The following B4GALNT1 variants were observed in gnomAD, a reference collection of about 807,000 sequenced individuals.
The protein encoded by B4GALNT1 is beta-1,4-N-acetyl-galactosaminyltransferase 1.
Under a neutral mutation model 55.2 loss-of-function variants are expected in B4GALNT1, and 43 were observed. The ratio of observed to expected loss-of-function variants is 0.78; its 90% CI spans 0.61 to 1.00. The LOEUF is 1.00. Ranked by LOEUF, B4GALNT1 falls within the 50% of genes least tolerant of loss-of-function variation. The pLI is 0.00. For missense variants in B4GALNT1, 664 were observed against 729.7 expected (o/e 0.91, Z 1.04); for synonymous variants, 305 against 311.6 (o/e 0.98, Z 0.22).
chr12:57,629,495 C>G (rs1885060409), intron 6 of B4GALNT1: 1 of 319,054 alleles, frequency 3.1e-6, no homozygotes, highest in Non-Finnish European at 5.7e-6. Context: ...CACATTTACA[C>G]AACTATTAAG....
Position 57,631,899 on chromosome 12 carries a change from C to A in B4GALNT1, c.218+16G>T. The A allele has an allele frequency of 7.3e-7, 1 of 1,378,138 alleles. No homozygotes were observed. 85.4% of individuals were successfully genotyped at this position (1,378,138 alleles called of 1,614,324 possible). ...CCCAGCGAGCGCTGCGCTGCGCCGCCGCGGTCGGCACTCACCCCACTACTT... is the reference window on the plus strand; with the variant it reads ...CCCAGCGAGCGCTGCGCTGCGCCGCAGCGGTCGGCACTCACCCCACTACTT... On this transcript the variant is annotated intron_variant, in intron 2 of 10. Transcript: ENST00000341156.
intron 5 of B4GALNT1, 65 bp from the exon 6 acceptor site, chr12:57,630,397 C>T (rs941940118): frequency 1.3e-6 from 2 of 1,597,680 alleles, no homozygotes; most frequent in African/African-American, 1.3e-5. Flanking sequence ...CTGATTCGCC[C>T]ATCCTTCCCT....
At chr12:57,632,318 G>A (rs1565744554) in intron 1 of B4GALNT1, 185 bp from the exon 2 acceptor site, 2 of 709,218 alleles carry the variant, frequency 2.8e-6, no homozygotes, top group Non-Finnish European at 5.1e-6. Flanking sequence ...TCACTTCCCA[G>A]GCCCCAGGGT....
intron 2 of B4GALNT1, 21 bp downstream of exon 2, chr12:57,631,894 G>A (rs1464760984): frequency 1.5e-6 from 2 of 1,372,654 alleles, no homozygotes; most frequent in East Asian, 5.7e-5. Context: ...GCTGCGCTGC[G>A]CCGCCGCGGT....
Position 57,626,584 on chromosome 12 carries a change from C to A in B4GALNT1, c.*160G>T. 1.2e-6 allele frequency: 1 copy of A among 822,258 alleles called. No individual in the cohort carries two copies. The highest frequency in any genetic ancestry group is 2.5e-5 in the East Asian group (1 of 39,258). 50.9% of individuals were successfully genotyped at this position (822,258 alleles called of 1,614,324 possible). Reference sequence around the variant, plus strand: ...GGAAAAAGGAGGGGTGTCACCAGGACAACCCCTACTGGGCATCAGGTTCTG... The same window carrying A: ...GGAAAAAGGAGGGGTGTCACCAGGAAAACCCCTACTGGGCATCAGGTTCTG... On this transcript the variant is annotated 3_prime_UTR_variant, in exon 11 of 11. Transcript: ENST00000341156.
chr12:57,629,977 A>C (rs1885090475), intron 6 of B4GALNT1, 175 bp downstream of exon 6: 1 of 1,538,664 alleles, frequency 6.5e-7, no homozygotes, highest in Non-Finnish European at 8.7e-7. Flanking sequence ...CAGATGAACA[A>C]AGGCCCCCTT....
rs755171392 is a variant in B4GALNT1 at position 57,626,791 on chromosome 12, G to A, written c.1555C>T (p.Arg519Trp). 3.1e-6 allele frequency: 5 copies of A among 1,614,098 alleles called. No homozygotes were observed. The highest frequency in any genetic ancestry group is 1.7e-5 in the Admixed American group (1 of 60,006). The change falls in exon 11 of 11, where the codon CGG becomes TGG. Residue 519 changes from arginine to tryptophan, a missense_variant. Physicochemically the swap from Arg to Trp is moderately radical, Grantham distance 101. Transcript: ENST00000341156. ...AGCCGGTGTTTGAAGAAGAGCAGCCGGTGTTTGGCCATCTGGCTCTCGTCC... is the reference window on the plus strand; with the variant it reads ...AGCCGGTGTTTGAAGAAGAGCAGCCAGTGTTTGGCCATCTGGCTCTCGTCC... The part of the protein sequence containing the change: ...SLDESQMAKH[R>W]LLFFKHRLQC...
At chr12:57,627,039 T>C (rs1728971338) in intron 10 of B4GALNT1, 78 bp from the exon 11 acceptor site, 1 of 1,290,844 alleles carries the variant, frequency 7.7e-7, no homozygotes. Flanking sequence ...CTCTCAAATT[T>C]AGGGTGTGGA....
chr12:57,624,033 A>G lies in B4GALNT1; in HGVS notation c.*2711T>C. The G allele has an allele frequency of 6.2e-7, 1 of 1,612,404 alleles. No individual in the cohort carries two copies. The highest frequency in any genetic ancestry group is 1.3e-5 in the African/African-American group (1 of 74,978). On this transcript the variant is annotated 3_prime_UTR_variant, in exon 11 of 11. Transcript: ENST00000341156. The stretch of plus-strand genomic sequence containing the variant: ...CCTGGCTTGCATCAACATCTCCAGC[A>G]TGCGCCAGGTGTTCTGCCAGATGCA...
At chr12:57,629,231 G>A in intron 6 of B4GALNT1, 85 bp from the exon 7 acceptor site, 1 of 690,098 alleles carries the variant, frequency 1.4e-6, no homozygotes, top group Non-Finnish European at 2.0e-6. Context: ...TGCCTACTCT[G>A]TGTCCCACCT....
intron 8 of B4GALNT1, 156 bp from the exon 9 acceptor site, chr12:57,628,418 TC>T: frequency 8.7e-7 from 1 of 1,143,322 alleles, no homozygotes; most frequent in Non-Finnish European, 1.2e-6. Flanking sequence ...GAAATGCAGA[TC>T]CCCACAGAGG....
At position 57,632,128 on chromosome 12, in the gene B4GALNT1, C is replaced by A. The variant is rs371840992; in HGVS notation, c.5G>T (p.Trp2Leu). 32 of 1,521,652 alleles carry A rather than the reference C, an allele frequency of 2.1e-5. No individual in the cohort carries two copies. The African/African-American group carries it at 3.8e-4, about 18-fold the overall frequency. The allele number at this position is 1,521,652 out of a possible 1,614,324, so 94.3% of individuals were successfully genotyped here. Residue 2 changes from tryptophan to leucine, a missense_variant, in exon 2 of 11, where the codon TGG (tryptophan) becomes TTG (leucine). Trp to Leu is a moderately conservative substitution (Grantham distance 61, BLOSUM62 -2). Transcript: ENST00000341156. Reference protein sequence around the residue: MWLGRRALCALV... With the variant: MLLGRRALCALV... ...AGCGCACAGGGCCCGGCGGCCCAGC[C>A]ACATCCTAGGTGGGGGTAGGGTGGG...
chr12:57,625,031 G>A lies in B4GALNT1; in HGVS notation c.*1713C>T, dbSNP rs762803022. 2.5e-6 allele frequency: 4 copies of A among 1,612,834 alleles called. No individual in the cohort carries two copies. The highest frequency in any genetic ancestry group is 3.4e-6 in the Non-Finnish European group (4 of 1,178,922). ...GATGTGGATCCTCAGGGAGTGGGAG[G>A]CAGGTGGGTGTTCTGAGGGGGATCC... On this transcript the variant is annotated 3_prime_UTR_variant, in exon 11 of 11. Coordinates refer to ENST00000341156, the MANE Select transcript of B4GALNT1 (RefSeq NM_001478.5).
At chr12:57,628,938 G>A (rs1413106641) in intron 7 of B4GALNT1, 35 bp from the exon 8 acceptor site, 6 of 1,612,720 alleles carry the variant, frequency 3.7e-6, no homozygotes, top group Non-Finnish European at 5.1e-6. Flanking sequence ...GTGCAGACAA[G>A]GAGGGTTGGG....
intron 10 of B4GALNT1, 80 bp downstream of exon 10, chr12:57,627,538 C>T (rs1420890292): frequency 1.3e-6 from 2 of 1,499,542 alleles, no homozygotes; most frequent in East Asian, 4.7e-5. Context: ...CGGGTGCAGC[C>T]TAGGAGGAGA....
chr12:57,627,557 ACCGTGCGC>A, intron 10 of B4GALNT1, 53 bp downstream of exon 10: 2 of 1,522,522 alleles, frequency 1.3e-6, no homozygotes, highest in Non-Finnish European at 1.8e-6. Context: ...GAGGCGCGTG[ACCGTGCGC>A]CAGCTCCCCG....
rs1885014472 is a variant in B4GALNT1, at chr12:57,628,817, GGATACTGGTGATGAGAGCCCGTAGCC to G, written c.872_897del (p.Arg291ProfsTer13). 1 of 1,614,120 alleles carries G rather than the reference GGATACTGGTGATGAGAGCCCGTAGCC, an allele frequency of 6.2e-7. No individual in the cohort carries two copies. The highest frequency in any genetic ancestry group is 8.5e-7 in the Non-Finnish European group (1 of 1,180,056). ...ACGGTAACCGTTGGGTAGAAGCGGC[GGATACTGGTGATGAGAGCCCGTAGCC>G]GATCATAACGGAGGAAGGTCTTGGT... On this transcript the variant is annotated frameshift_variant, in exon 8 of 11. Transcript: ENST00000341156. LOFTEE classifies it high-confidence loss of function.
At position 57,625,799 on chromosome 12, in the gene B4GALNT1, G is replaced by A. The variant is rs1475722357; in HGVS notation, c.*945C>T. 13 of 1,487,454 alleles carry A rather than the reference G, an allele frequency of 8.7e-6. No homozygotes were observed. Among genetic ancestry groups the A allele is most frequent in the Admixed American group, 4.8e-5 (2 of 41,292 alleles). The allele number at this position is 1,487,454 out of a possible 1,614,324, so 92.1% of individuals were successfully genotyped here. On this transcript the variant is annotated 3_prime_UTR_variant, in exon 11 of 11. Transcript: ENST00000341156. ...GAGAGGGGTTTGGGAAAGGGTCTGA[G>A]GAAGATCAAGAAGAAAAGGGTGGGG...
At chr12:57,630,422 C>T in intron 5 of B4GALNT1, 56 bp downstream of exon 5, 1 of 1,597,776 alleles carries the variant, frequency 6.3e-7, no homozygotes, top group South Asian at 1.1e-5. Context: ...AGCCCTGCCT[C>T]CCTCCCAGCA....
Sources: gnomAD v4.1 joint callset for allele counts on GRCh38, gnomAD v4.1.1 for gene constraint, MANE v1.5 for transcripts, NCBI Gene and HGNC (gene_info 2026-07-23, HGNC 2026-07-21) for gene names.